Variants in MCOLN2 observed in about 807,000 individuals in gnomAD.
MCOLN2 encodes mucolipin-2.
MCOLN2 carries 57 observed loss-of-function variants against 67.5 expected under a neutral mutation model. The ratio of observed to expected loss-of-function variants is 0.84; its 90% CI spans 0.68 to 1.05. The LOEUF is 1.05. Ranked by LOEUF, MCOLN2 falls within the 50% of genes least tolerant of loss-of-function variation. The pLI is 0.00. For missense variants in MCOLN2, 620 were observed against 678.8 expected (o/e 0.91, Z 0.96); for synonymous variants, 246 against 233.3 (o/e 1.05, Z -0.50).
chr1:84,982,134 G>T (rs1340895964), intron 1 of MCOLN2, among the ~76,000 whole-genome samples: 2 of 151,054 alleles, frequency 1.3e-5, no homozygotes, highest in East Asian at 3.9e-4. Flanking sequence ...AGCTGGGGTG[G>T]GGGGAAGCAG....
Position 84,958,565 on chromosome 1 carries a change from C to T in MCOLN2, c.375G>A (p.Glu125=), listed in dbSNP as rs773057739. 9.3e-6 allele frequency: 15 copies of T among 1,604,800 alleles called. No individual in the cohort carries two copies. In the South Asian group the frequency reaches 1.5e-4, roughly 16 times the overall value. Residue 125 remains glutamate, a synonymous_variant, in exon 3 of 14, where the codon GAG becomes GAA. Coordinates refer to ENST00000370608, the MANE Select transcript of MCOLN2 (RefSeq NM_153259.4). ...DDYSCSVYTQ[E]DAYESIFFAI... is the part of the protein sequence containing the mutation. ...CAAAAAAGATGCTCTCATAGGCATCCTCTTGAGTATATACACTGCAGCTGT... is the reference window on the plus strand; with the variant it reads ...CAAAAAAGATGCTCTCATAGGCATCTTCTTGAGTATATACACTGCAGCTGT...
chr1:84,955,195 A>G (rs1027378739), intron 4 of MCOLN2, among the ~76,000 whole-genome samples: 1 of 152,128 alleles, frequency 6.6e-6, no homozygotes, highest in African/African-American at 2.4e-5. Flanking sequence ...CCCTTCCACC[A>G]TGATTGTAAG....
intron 1 of MCOLN2, among the ~76,000 whole-genome samples, chr1:84,985,615 G>C (rs1650468966): frequency 6.6e-6 from 1 of 152,018 alleles, no homozygotes; most frequent in African/African-American, 2.4e-5. Flanking sequence ...GCAGTGATCT[G>C]TACACACTTA....
intron 2 of MCOLN2, among the ~76,000 whole-genome samples, chr1:84,960,394 T>C (rs1471493765): frequency 6.6e-6 from 1 of 152,202 alleles, no homozygotes; most frequent in Non-Finnish European, 1.5e-5. Flanking sequence ...TTCCTTCTGC[T>C]GAAAAAGTTC....
chr1:84,994,238 G>C (rs1651039000), intron 1 of MCOLN2, among the ~76,000 whole-genome samples: 1 of 152,160 alleles, frequency 6.6e-6, no homozygotes, highest in South Asian at 2.1e-4. Context: ...AAGTGCCCTA[G>C]GATTTTTGGA....
chr1:84,961,445 G>A (rs1649083713), intron 2 of MCOLN2, among the ~76,000 whole-genome samples: 1 of 152,110 alleles, frequency 6.6e-6, no homozygotes, highest in African/African-American at 2.4e-5. Flanking sequence ...CTCAGCTTTG[G>A]GGATGAGAGG....
chr1:84,982,505 T>G (rs150343870), intron 1 of MCOLN2, among the ~76,000 whole-genome samples: 1 of 152,344 alleles, frequency 6.6e-6, no homozygotes, highest in Admixed American at 6.5e-5. Context: ...TGTTTCATAA[T>G]ATACATATGG....
intron 1 of MCOLN2, among the ~76,000 whole-genome samples, chr1:84,987,681 T>TATAGATAC (rs1557666238): frequency 1.4e-5 from 2 of 141,688 alleles, no homozygotes; most frequent in East Asian, 4.4e-4. Context: ...TATATAGATA[T>TATAGATAC]ATAGATGTAT....
chr1:84,938,726 GAGGGGCAGGGTCAGAGC>G (rs1647576632), intron 9 of MCOLN2, among the ~76,000 whole-genome samples: 1 of 152,154 alleles, frequency 6.6e-6, no homozygotes, highest in Non-Finnish European at 1.5e-5. Context: ...AGACGTCCTA[GAGGGGCAGGGTCAGAGC>G]AGGGGCAGGA....
chr1:84,951,266 T>A (rs1273024398), intron 6 of MCOLN2, among the ~76,000 whole-genome samples: 1 of 152,228 alleles, frequency 6.6e-6, no homozygotes. Context: ...TCATTAAGTA[T>A]TTATTGATAG....
intron 6 of MCOLN2, among the ~76,000 whole-genome samples, chr1:84,947,720 A>T (rs903227735): frequency 1.3e-5 from 2 of 152,232 alleles, no homozygotes; most frequent in Admixed American, 1.3e-4. Flanking sequence ...CTGTGACCTA[A>T]GCTGCTATGG....
chr1:84,952,616 G>A, intron 4 of MCOLN2, 86 bp from the exon 5 acceptor site: 1 of 850,358 alleles, frequency 1.2e-6, no homozygotes, highest in South Asian at 1.4e-5. Context: ...CAAGAAGCAG[G>A]TTACTTACGG....
At chr1:84,929,915 C>A in intron 12 of MCOLN2, 1 of 303,896 alleles carries the variant, frequency 3.3e-6, no homozygotes. Flanking sequence ...CAGAGAAGAG[C>A]CAGGGAGAGG....
intron 1 of MCOLN2, among the ~76,000 whole-genome samples, chr1:84,989,863 T>C (rs201529868): frequency 7.2e-5 from 11 of 152,236 alleles, no homozygotes; most frequent in East Asian, 3.9e-4. Flanking sequence ...CCAGTGAACA[T>C]TGAACAATAA....
At chr1:84,987,548 GTATACA>G (rs1650640258) in intron 1 of MCOLN2, among the ~76,000 whole-genome samples, 1 of 71,654 alleles carries the variant, frequency 1.4e-5, no homozygotes, top group African/African-American at 7.2e-5. Flanking sequence ...ATACATAGAT[GTATACA>G]TCTATGTATA....
intron 1 of MCOLN2, among the ~76,000 whole-genome samples, chr1:84,986,205 T>G (rs1650497956): frequency 6.6e-6 from 1 of 152,128 alleles, no homozygotes; most frequent in Non-Finnish European, 1.5e-5. Context: ...GGATACCCTA[T>G]TCAACAAATG....
At chr1:84,973,986 T>A (rs486751) in intron 1 of MCOLN2, among the ~76,000 whole-genome samples, 74,787 of 151,968 alleles carry the variant, frequency 0.49, 18,630 homozygotes, top group East Asian at 0.64. Flanking sequence ...CTGCATGCTG[T>A]GGGAGGGAGA....
At chr1:84,966,463 G>A (rs1649387484) in intron 1 of MCOLN2, among the ~76,000 whole-genome samples, 1 of 152,034 alleles carries the variant, frequency 6.6e-6, no homozygotes, top group Admixed American at 6.6e-5. Context: ...AACCAGACAG[G>A]ACATTTTCAT....
Position 84,947,201 on chromosome 1 carries a change from TA to T in MCOLN2, c.748-70del, listed in dbSNP as rs967351712. 2,405 of 758,670 alleles carry T rather than the reference TA, an allele frequency of 3.2e-3. 1 individual carries two copies. Among genetic ancestry groups the T allele is most frequent in the South Asian group, 4.4e-3 (273 of 62,194 alleles). 47.0% of individuals were successfully genotyped at this position (758,670 alleles called of 1,614,324 possible). On this transcript the variant is annotated intron_variant, in intron 6 of 13. Transcript: ENST00000370608. ...TATAACATGTTAGATCAAATCTGCT[TA>T]AAAAAAAAATCACTGGCATCCAGTG...
Sources: gnomAD v4.1 joint callset for allele counts (sites outside exome capture counted in the v4.1 genomes callset) on GRCh38, gnomAD v4.1.1 for gene constraint, MANE v1.5 for transcripts, NCBI Gene and HGNC (gene_info 2026-07-23, HGNC 2026-07-21) for gene names.